Variants in DNM3 observed in about 807,000 individuals in gnomAD.
DNM3 encodes dynamin 3.
A neutral mutation model predicts 101.6 loss-of-function variants in DNM3; 47 were observed. That is an observed-to-expected ratio of 0.46 (90% CI 0.37 to 0.59). The LOEUF (loss-of-function observed/expected upper bound fraction) is 0.59. Among genes scored for constraint, DNM3 ranks in the 20% least tolerant of loss-of-function variants. DNM3 has a pLI of 0.00. For synonymous variants in DNM3, 385 were observed against 387.9 expected (o/e 0.99, Z 0.09); for missense variants, 849 against 1,085.7 (o/e 0.78, Z 3.06).
intron 14 of DNM3, among the ~76,000 whole-genome samples, chr1:172,198,406 G>A (rs1239535632): frequency 6.6e-6 from 1 of 152,076 alleles, no homozygotes; most frequent in African/African-American, 2.4e-5. Context: ...ACAGGTTTTG[G>A]TATCAAGATG....
Position 172,412,035 on chromosome 1 carries a change from T to C in DNM3, c.*4194T>C. 1 of 976,706 alleles carries C rather than the reference T, an allele frequency of 1.0e-6. No homozygotes were observed. Among genetic ancestry groups the C allele is most frequent in the Non-Finnish European group, 1.2e-6 (1 of 825,932 alleles). The allele number at this position is 976,706 out of a possible 1,614,324, so 60.5% of individuals were successfully genotyped here. A position where few individuals can be genotyped will look rare whatever the true frequency, so the allele number is the denominator to read the frequency against. On this transcript the variant is annotated 3_prime_UTR_variant, in exon 21 of 21. Transcript: ENST00000627582. ...TTTGAAGCATATGTAATATATGCAC[T>C]GCTATTTGTGTGTGTGTGTGTGTCT...
chr1:171,844,409 G>GCTT (rs1189890034), intron 1 of DNM3, among the ~76,000 whole-genome samples: 1 of 152,180 alleles, frequency 6.6e-6, no homozygotes, highest in Non-Finnish European at 1.5e-5. Flanking sequence ...CTTGACTCAA[G>GCTT]CTTCTTCTCT....
At chr1:172,355,706 A>G (rs1250833841) in intron 17 of DNM3, among the ~76,000 whole-genome samples, 1 of 152,176 alleles carries the variant, frequency 6.6e-6, no homozygotes, top group Non-Finnish European at 1.5e-5. Flanking sequence ...GATTGGATAT[A>G]TAACTGAATA....
At chr1:172,156,737 A>G (rs2148264493) in intron 14 of DNM3, among the ~76,000 whole-genome samples, 1 of 152,122 alleles carries the variant, frequency 6.6e-6, no homozygotes, top group East Asian at 1.9e-4. Flanking sequence ...GTAATCGCTC[A>G]TTTTTTTATT....
intron 14 of DNM3, among the ~76,000 whole-genome samples, chr1:172,206,359 G>A (rs989519132): frequency 2.0e-5 from 3 of 152,116 alleles, no homozygotes; most frequent in African/African-American, 7.2e-5. Flanking sequence ...AATCACACAA[G>A]TGTTTTTCCT....
intron 11 of DNM3, among the ~76,000 whole-genome samples, chr1:172,071,519 A>G (rs1558522029): frequency 6.6e-6 from 1 of 152,080 alleles, no homozygotes; most frequent in Admixed American, 6.6e-5. Flanking sequence ...AGACAGAGTG[A>G]CCCATATCCT....
chr1:172,146,119 G>A (rs954874211), intron 14 of DNM3, among the ~76,000 whole-genome samples: 1 of 152,116 alleles, frequency 6.6e-6, no homozygotes, highest in Non-Finnish European at 1.5e-5. Flanking sequence ...AAGAAACTTA[G>A]CCTTCTTTAA....
At chr1:172,335,558 A>G (rs1224393038) in intron 17 of DNM3, among the ~76,000 whole-genome samples, 2 of 152,298 alleles carry the variant, frequency 1.3e-5, no homozygotes, top group East Asian at 3.9e-4. Context: ...GTGCCTATCA[A>G]TGGCATACCA....
At chr1:171,977,672 C>T (rs908723578) in intron 2 of DNM3, among the ~76,000 whole-genome samples, 4 of 152,194 alleles carry the variant, frequency 2.6e-5, no homozygotes, top group African/African-American at 4.8e-5. Flanking sequence ...GAAATTTACT[C>T]TATGTCTTTG....
intron 14 of DNM3, among the ~76,000 whole-genome samples, chr1:172,242,604 A>G (rs1450089671): frequency 1.3e-5 from 2 of 152,124 alleles, no homozygotes; most frequent in African/African-American, 2.4e-5. Flanking sequence ...ACATGTGGCT[A>G]GTTTTTTAAA....
intron 14 of DNM3, among the ~76,000 whole-genome samples, chr1:172,225,134 CTTTTTTTTTTTT>C (rs1168334078): frequency 1.5e-5 from 1 of 65,520 alleles, no homozygotes; most frequent in Non-Finnish European, 2.7e-5. Flanking sequence ...TCTTCTTCCT[CTTTTTTTTTTTT>C]TTTTTTTTTT....
chr1:171,976,680 T>G (rs372535807), intron 2 of DNM3, among the ~76,000 whole-genome samples: 42 of 152,304 alleles, frequency 2.8e-4, no homozygotes, highest in Non-Finnish European at 4.9e-4. Context: ...CCTTCAAATA[T>G]TTAGATGAAA....
chr1:172,319,316 A>T, intron 16 of DNM3, among the ~76,000 whole-genome samples: 1 of 152,070 alleles, frequency 6.6e-6, no homozygotes, highest in East Asian at 1.9e-4. Flanking sequence ...ACCATTCAGG[A>T]CATAGGCATG....
At chr1:171,983,901 A>T (rs745460676) in intron 2 of DNM3, among the ~76,000 whole-genome samples, 7 of 152,020 alleles carry the variant, frequency 4.6e-5, no homozygotes, top group Non-Finnish European at 8.8e-5. Context: ...TGGGTGTGTC[A>T]TGGCCATCAC....
At chr1:171,973,648 C>G (rs1009160869) in intron 2 of DNM3, among the ~76,000 whole-genome samples, 1 of 149,084 alleles carries the variant, frequency 6.7e-6, no homozygotes, top group African/African-American at 2.5e-5. Context: ...GCAGACCCTT[C>G]AAACATGGGT....
At chr1:172,213,553 G>A (rs919420654) in intron 14 of DNM3, among the ~76,000 whole-genome samples, 17 of 149,616 alleles carry the variant, frequency 1.1e-4, no homozygotes, top group African/African-American at 3.7e-4. Context: ...ATTGGTGGCC[G>A]GGCATAGTGG....
At chr1:172,337,340 C>T (rs1482161396) in intron 17 of DNM3, among the ~76,000 whole-genome samples, 1 of 152,176 alleles carries the variant, frequency 6.6e-6, no homozygotes. Flanking sequence ...TTACAGATTA[C>T]ACATCTCAGT....
intron 14 of DNM3, among the ~76,000 whole-genome samples, chr1:172,162,337 A>C (rs2058574994): frequency 6.6e-6 from 1 of 152,032 alleles, no homozygotes; most frequent in South Asian, 2.1e-4. Flanking sequence ...TTATAAGTTC[A>C]AAAAAACAAC....
At chr1:172,008,389 A>G (rs1314530726) in intron 4 of DNM3, among the ~76,000 whole-genome samples, 1 of 151,660 alleles carries the variant, frequency 6.6e-6, no homozygotes, top group Non-Finnish European at 1.5e-5. Context: ...ATATGGTGAG[A>G]GATCAGAGTC....
Sources: gnomAD v4.1 joint callset for allele counts (sites outside exome capture counted in the v4.1 genomes callset) on GRCh38, gnomAD v4.1.1 for gene constraint, MANE v1.5 for transcripts, NCBI Gene and HGNC (gene_info 2026-07-23, HGNC 2026-07-21) for gene names.